The following CHL1 variants were observed in gnomAD, a reference collection of about 807,000 sequenced individuals.
The protein encoded by CHL1 is neural cell adhesion molecule L1-like protein.
In CHL1, 96 loss-of-function variants were observed where a neutral mutation model predicts 141.9. The observed-to-expected ratio is 0.68, with a 90% confidence interval of 0.57 to 0.80. CHL1 has a LOEUF of 0.80. Ranked by LOEUF, CHL1 falls within the 30% of genes least tolerant of loss-of-function variation. CHL1 has a pLI of 0.00. For missense variants in CHL1, 1,820 were observed against 1,457.2 expected, an observed-to-expected ratio of 1.25 and a Z score of -4.05; for synonymous variants, 613 against 502.2, an observed-to-expected ratio of 1.22 and a Z score of -2.95.
intron 27 of CHL1, among the ~76,000 whole-genome samples, chr3:403,651 A>G (rs1709317550): frequency 6.6e-6 from 1 of 152,202 alleles, no homozygotes; most frequent in Non-Finnish European, 1.5e-5. Context: ...TGCCTTGTCT[A>G]AAAACCCATT....
rs571024575 is a variant in CHL1 at position 198,015 on chromosome 3, G to T, written c.-175+952G>T. 49 of 350,530 alleles carry T rather than the reference G, an allele frequency of 1.4e-4. No homozygotes were observed. In the East Asian group the frequency reaches 1.6e-3, roughly 11 times the overall value. The allele number at this position is 350,530 out of a possible 1,614,324, so 21.7% of individuals were successfully genotyped here. A position where few individuals can be genotyped will look rare whatever the true frequency, so the allele number is the denominator to read the frequency against. On this transcript the variant is annotated intron_variant, in intron 1 of 27. Coordinates refer to ENST00000256509, the MANE Select transcript of CHL1 (RefSeq NM_006614.4). ...CTCTCCGGGCTCGCTGCGAGCCACA[G>T]TGTCTCAGCCAGGGGCAGGGCCGGG...
At chr3:379,517 G>C (rs73814733) in intron 16 of CHL1, among the ~76,000 whole-genome samples, 1 of 152,096 alleles carries the variant, frequency 6.6e-6, no homozygotes. Context: ...AGTGAGTAGA[G>C]GGGTAAGTGT....
rs769233255 is a variant in CHL1 at position 344,681 on chromosome 3, T to G, written c.820T>G (p.Leu274Val). Residue 274 changes from leucine to valine, a missense_variant, in exon 9 of 28, where the codon TTG becomes GTG. By Grantham distance (32) the Leu-to-Val change is conservative. Coordinates refer to ENST00000256509, the MANE Select transcript of CHL1 (RefSeq NM_006614.4). ...SSITILKGEI[L>V]LLECFAEGLP... ...AATTACCATCCTCAAAGGGGAAATC[T>G]TGCTGCTTGAGTGTTTTGCTGAAGG... The G allele has an allele frequency of 3.7e-6, 6 of 1,613,746 alleles. No homozygotes were observed. Among genetic ancestry groups the G allele is most frequent in the African/African-American group, 1.3e-5 (1 of 74,912 alleles).
chr3:318,099 AG>A (rs1462361032), intron 2 of CHL1, among the ~76,000 whole-genome samples: 2 of 151,790 alleles, frequency 1.3e-5, no homozygotes, highest in Non-Finnish European at 2.9e-5. Context: ...TGGAGGTGGG[AG>A]GGTAGTATTT....
intron 1 of CHL1, chr3:197,521 C>A: frequency 4.2e-6 from 1 of 238,474 alleles, no homozygotes; most frequent in Non-Finnish European, 8.8e-6. Flanking sequence ...CTGTCTCCCA[C>A]CGCGCCCCTC....
At chr3:238,022 T>TA (rs775639569) in intron 1 of CHL1, among the ~76,000 whole-genome samples, 6 of 152,336 alleles carry the variant, frequency 3.9e-5, no homozygotes, top group Non-Finnish European at 7.4e-5. Flanking sequence ...TTCTAGTTCT[T>TA]ACTTTATTGT....
At chr3:312,172 CCCA>C (rs1426887272) in intron 2 of CHL1, among the ~76,000 whole-genome samples, 1 of 152,022 alleles carries the variant, frequency 6.6e-6, no homozygotes, top group Non-Finnish European at 1.5e-5. Context: ...ATTAGTTTAT[CCCA>C]CATCATTATT....
chr3:321,542 G>T (rs1302236324), intron 3 of CHL1, among the ~76,000 whole-genome samples: 3 of 152,084 alleles, frequency 2.0e-5, no homozygotes, highest in Non-Finnish European at 2.9e-5. Context: ...TAGCAACGAA[G>T]ATGCCACTGA....
intron 2 of CHL1, among the ~76,000 whole-genome samples, chr3:303,587 C>T (rs774321790): frequency 1.3e-5 from 2 of 152,112 alleles, no homozygotes; most frequent in African/African-American, 4.8e-5. Context: ...GATTTTGTAT[C>T]CTGAGGCTTT....
chr3:382,384 C>G lies in CHL1; in HGVS notation c.1979-90C>G, dbSNP rs372542717. Reference sequence around the variant, plus strand: ...ACTGGTTTATTCTTCTTATAACATCCTTTTGAACTTTTAATATTGAGTATA... The same window carrying G: ...ACTGGTTTATTCTTCTTATAACATCGTTTTGAACTTTTAATATTGAGTATA... On this transcript the variant is annotated intron_variant, in intron 17 of 27. Transcript: ENST00000256509. The G allele has an allele frequency of 6.2e-6, 9 of 1,457,064 alleles. No individual in the cohort carries two copies. In the East Asian group the frequency reaches 2.0e-4, roughly 33 times the overall value. 90.3% of individuals were successfully genotyped at this position (1,457,064 alleles called of 1,614,324 possible). A position where few individuals can be genotyped will look rare whatever the true frequency, so the allele number is the denominator to read the frequency against.
chr3:367,193 G>T (rs185059056), intron 15 of CHL1, among the ~76,000 whole-genome samples: 1 of 152,184 alleles, frequency 6.6e-6, no homozygotes, highest in Admixed American at 6.5e-5. Context: ...AGTCAGCTTC[G>T]CGTCCTTTTG....
intron 2 of CHL1, chr3:248,027 T>C (rs756795821): frequency 6.6e-6 from 1 of 152,148 alleles, no homozygotes; most frequent in Non-Finnish European, 1.5e-5. Flanking sequence ...TGGGCTGTTA[T>C]GTTCCTTTCT....
rs969872810 is a variant in CHL1 at position 365,823 on chromosome 3, A to G, written c.1586-127A>G. On this transcript the variant is annotated intron_variant, in intron 14 of 27. Coordinates refer to ENST00000256509, the MANE Select transcript of CHL1 (RefSeq NM_006614.4). ...ATGACATACAATGTTAGGAAATTAC[A>G]GTGGGACAAACCCTGCATGAGGATT... 7.9e-6 allele frequency: 5 copies of G among 635,920 alleles called. No homozygotes were observed. In the African/African-American group the frequency reaches 9.4e-5, roughly 12 times the overall value. 39.4% of individuals were successfully genotyped at this position (635,920 alleles called of 1,614,324 possible).
In CHL1 at chr3:319,824, C is replaced by A. The variant is rs1009314712; in HGVS notation, c.48C>A (p.Phe16Leu). The change falls in exon 3 of 28, where the codon TTC (phenylalanine) becomes TTA (leucine). Residue 16 changes from phenylalanine to leucine, a missense_variant. Physicochemically the swap from Phe to Leu is conservative, Grantham distance 22. Coordinates refer to ENST00000256509, the MANE Select transcript of CHL1 (RefSeq NM_006614.4). Reference protein sequence around the residue: ...LGRGLIVYLMFLLLKFSKAIE... With the variant: ...LGRGLIVYLMLLLLKFSKAIE... ...GAGGACTAATCGTATATCTAATGTTCCTCCTGTTAAAATTCTCAAAAGCAA... is the reference window on the plus strand; with the variant it reads ...GAGGACTAATCGTATATCTAATGTTACTCCTGTTAAAATTCTCAAAAGCAA... The A allele has an allele frequency of 3.1e-6, 5 of 1,604,986 alleles. No homozygotes were observed. The highest frequency in any genetic ancestry group is 4.3e-6 in the Non-Finnish European group (5 of 1,174,246).
Position 230,731 on chromosome 3 carries a change from T to G in CHL1, c.-174-13882T>G, listed in dbSNP as rs1361290866. On this transcript the variant is annotated intron_variant, in intron 1 of 27. Transcript: ENST00000256509. Reference sequence around the variant, plus strand: ...TTTAATTTAAAAATCATTTTTGTATTGTGGTAAAATGTAGACTCTTATATT... The same window carrying G: ...TTTAATTTAAAAATCATTTTTGTATGGTGGTAAAATGTAGACTCTTATATT... Among the ~76,000 whole-genome samples, 3 of 152,184 alleles carry G rather than the reference T, an allele frequency of 2.0e-5. No homozygotes were observed. In the East Asian group the frequency reaches 5.8e-4, roughly 29 times the overall value.
chr3:377,756 A>G, intron 15 of CHL1, 62 bp from the exon 16 acceptor site: 2 of 1,409,346 alleles, frequency 1.4e-6, no homozygotes, highest in Non-Finnish European at 2.0e-6. Context: ...TTTTAAAAGA[A>G]TTGGGTTTCT....
intron 3 of CHL1, among the ~76,000 whole-genome samples, chr3:321,564 C>T (rs1174482727): frequency 2.0e-5 from 3 of 152,034 alleles, no homozygotes; most frequent in Non-Finnish European, 4.4e-5. Flanking sequence ...ATTACTGATT[C>T]AGATTTTTGA....
intron 15 of CHL1, among the ~76,000 whole-genome samples, chr3:368,951 A>G (rs1039669454): frequency 6.6e-6 from 1 of 151,792 alleles, no homozygotes; most frequent in Non-Finnish European, 1.5e-5. Context: ...CCATTTGTCT[A>G]TATGTCTGTT....
chr3:297,055 G>A lies in CHL1; in HGVS notation c.-94-22628G>A, dbSNP rs187492955. 1.6e-3 allele frequency among the ~76,000 whole-genome samples: 243 copies of A among 152,010 alleles called. 1 individual carries two copies. The highest frequency in any genetic ancestry group is 4.9e-3 in the African/African-American group (202 of 41,476). ...TAGAACAGAGAATTAGTTAGAGGAT[G>A]GGGAGATAATACAAGGGAGAGATAG... On this transcript the variant is annotated intron_variant, in intron 2 of 27. Transcript: ENST00000256509.
Sources: gnomAD v4.1 joint callset for allele counts (sites outside exome capture counted in the v4.1 genomes callset) on GRCh38, gnomAD v4.1.1 for gene constraint, MANE v1.5 for transcripts, NCBI Gene and HGNC (gene_info 2026-07-23, HGNC 2026-07-21) for gene names.